SPAG17: variants seen among roughly 807,000 people sequenced by gnomAD.
SPAG17 encodes sperm associated antigen 17, also known as sperm-associated antigen 17.
SPAG17 carries 169 observed loss-of-function variants against 273.6 expected under a neutral mutation model. The ratio of observed to expected loss-of-function variants is 0.62; its 90% confidence interval spans 0.55 to 0.70. SPAG17 has a LOEUF of 0.70. SPAG17 is among the 30% of genes least tolerant of loss of function. SPAG17 has a pLI of 0.00. For synonymous variants in SPAG17, 825 were observed against 873.2 expected, an observed-to-expected ratio of 0.94 and a Z score of 0.97; for missense variants, 2,557 against 2,627.8, an observed-to-expected ratio of 0.97 and a Z score of 0.59.
chr1:117,967,989 A>G (rs1174698147), intron 46 of SPAG17, among the ~76,000 whole-genome samples: 1 of 152,242 alleles, frequency 6.6e-6, no homozygotes, highest in Non-Finnish European at 1.5e-5. Flanking sequence ...TTGTGAGCAT[A>G]TGCATACTGG....
intron 18 of SPAG17, among the ~76,000 whole-genome samples, chr1:118,058,940 A>T (rs1280501986): frequency 6.6e-6 from 1 of 152,206 alleles, no homozygotes; most frequent in African/African-American, 2.4e-5. Context: ...CATGCTACAC[A>T]TGTCAAAATA....
intron 13 of SPAG17, among the ~76,000 whole-genome samples, chr1:118,083,219 G>T (rs1209220648): frequency 6.6e-6 from 1 of 152,142 alleles, no homozygotes; most frequent in East Asian, 1.9e-4. Flanking sequence ...GCCTCCCAGA[G>T]TGCTGGAATT....
chr1:118,121,223 G>A (rs1657401750), intron 3 of SPAG17, among the ~76,000 whole-genome samples: 3 of 152,146 alleles, frequency 2.0e-5, no homozygotes, highest in African/African-American at 7.2e-5. Context: ...GGTGGGTGGA[G>A]GGCTGGAGCC....
Position 118,073,844 on chromosome 1 carries a change from C to T in SPAG17, c.2385+10G>A, listed in dbSNP as rs751879777. On this transcript the variant is annotated intron_variant, in intron 17 of 48. Transcript: ENST00000336338. ...TGACCGTCTCCTAGAGAATCACAGT[C>T]CATAAATACCTGAAGCAGTACTTTC... 1 of 1,562,174 alleles carries T rather than the reference C, an allele frequency of 6.4e-7. No individual in the cohort carries two copies. Among genetic ancestry groups the T allele is most frequent in the Non-Finnish European group, 8.7e-7 (1 of 1,151,042 alleles).
intron 33 of SPAG17, 40 bp from the exon 34 acceptor site, chr1:117,996,540 C>A: frequency 6.2e-7 from 1 of 1,603,034 alleles, no homozygotes; most frequent in East Asian, 2.2e-5. Flanking sequence ...TCAAGTATTC[C>A]GTTAAAATTC....
chr1:117,976,173 T>C (rs528024005), intron 43 of SPAG17, among the ~76,000 whole-genome samples: 7 of 152,182 alleles, frequency 4.6e-5, no homozygotes, highest in Non-Finnish European at 8.8e-5. Flanking sequence ...TGCAGATGAT[T>C]ATTCCACTGA....
chr1:118,114,429 G>A (rs1261798324), intron 4 of SPAG17, among the ~76,000 whole-genome samples: 2 of 152,072 alleles, frequency 1.3e-5, no homozygotes, highest in African/African-American at 2.4e-5. Context: ...TAGATTTTGG[G>A]GGTCTTGCAA....
chr1:118,005,898 A>T (rs1658828362), intron 31 of SPAG17, among the ~76,000 whole-genome samples: 1 of 152,170 alleles, frequency 6.6e-6, no homozygotes. Flanking sequence ...AACATATTTT[A>T]GCTGAGGTTA....
intron 3 of SPAG17, among the ~76,000 whole-genome samples, chr1:118,139,730 T>C (rs1217463513): frequency 6.6e-6 from 1 of 151,060 alleles, no homozygotes; most frequent in Admixed American, 6.6e-5. Context: ...TGCACTCACA[T>C]GGGGAATCTA....
chr1:118,102,915 C>T (rs555269777), intron 4 of SPAG17, among the ~76,000 whole-genome samples: 28 of 152,266 alleles, frequency 1.8e-4, no homozygotes, highest in East Asian at 1.4e-3. Context: ...GCTTTGGCAC[C>T]CAGAGGGGCC....
At position 118,081,560 on chromosome 1, in the gene SPAG17, T is replaced by G. The variant is rs367656575; in HGVS notation, c.1845A>C (p.Lys615Asn). The change falls in exon 14 of 49, where the codon AAA (lysine) becomes AAC (asparagine). Residue 615 changes from lysine (K) to asparagine (N), a missense_variant. Lys to Asn is a moderately conservative substitution (Grantham distance 94). Transcript: ENST00000336338. The stretch of plus-strand genomic sequence containing the variant: ...TCATCCCAGAAGGTTTCAGTTTCCC[T>G]TTTTCATCAACCTCAGAGAGCTTCA... ...ESLKLSEVDE[K>N]GKLKPSGMMC... 3 of 1,613,744 alleles carry G rather than the reference T, an allele frequency of 1.9e-6. No homozygotes were observed. In the African/African-American group the frequency reaches 4.0e-5, roughly 22 times the overall value.
rs578117893 is a variant in SPAG17, at chr1:117,989,982, G to A, written c.5521+879C>T. Among the ~76,000 whole-genome samples the A allele has an allele frequency of 2.0e-5, 3 of 152,052 alleles. No homozygotes were observed. In the South Asian group the frequency reaches 6.3e-4, roughly 32 times the overall value. ...TTGTCATTCATCTAAAATTTAACTAGGCCTTCTTTATTTTTATTCACTAAA... is the reference window on the plus strand; with the variant it reads ...TTGTCATTCATCTAAAATTTAACTAAGCCTTCTTTATTTTTATTCACTAAA... On this transcript the variant is annotated intron_variant, in intron 38 of 48. Coordinates refer to ENST00000336338, the MANE Select transcript of SPAG17 (RefSeq NM_206996.4).
At chr1:118,104,490 G>C (rs962990804) in intron 4 of SPAG17, among the ~76,000 whole-genome samples, 2 of 152,178 alleles carry the variant, frequency 1.3e-5, no homozygotes, top group Non-Finnish European at 2.9e-5. Flanking sequence ...TACAAATGCA[G>C]GTGTGCATAA....
At position 118,045,014 on chromosome 1, in the gene SPAG17, G is replaced by A. The variant is rs185530287; in HGVS notation, c.2815-2972C>T. On this transcript the variant is annotated intron_variant, in intron 20 of 48. Transcript: ENST00000336338. ...AAGAGGAAATTAAAAAGCCAACCAA[G>A]GATTTTATAAATGAAAACTATGTTT... Among the ~76,000 whole-genome samples the A allele has an allele frequency of 9.3e-4, 141 of 152,126 alleles. No homozygotes were observed. The South Asian group carries it at 0.012, about 13-fold the overall frequency.
intron 42 of SPAG17, among the ~76,000 whole-genome samples, chr1:117,981,952 C>CA (rs777204626): frequency 5.9e-5 from 9 of 152,304 alleles, no homozygotes; most frequent in Non-Finnish European, 1.2e-4. Context: ...CTGGTTGCCT[C>CA]AAGTACTGTG....
intron 44 of SPAG17, among the ~76,000 whole-genome samples, chr1:117,972,784 A>G (rs1204647829): frequency 6.6e-6 from 1 of 152,196 alleles, no homozygotes; most frequent in Non-Finnish European, 1.5e-5. Flanking sequence ...AAGAAAAAAA[A>G]AGATAATTAT....
chr1:118,030,230 A>G (rs777712603), intron 25 of SPAG17, among the ~76,000 whole-genome samples: 4 of 152,110 alleles, frequency 2.6e-5, no homozygotes, highest in South Asian at 4.1e-4. Context: ...AGGCAATGAC[A>G]TATTTAAACC....
intron 22 of SPAG17, among the ~76,000 whole-genome samples, chr1:118,040,418 G>C (rs1293240100): frequency 6.6e-6 from 1 of 152,094 alleles, no homozygotes; most frequent in African/African-American, 2.4e-5. Flanking sequence ...GTGCTGTAAT[G>C]AATATTATTA....
chr1:118,170,260 T>C (rs746196543), intron 1 of SPAG17, among the ~76,000 whole-genome samples: 8 of 152,140 alleles, frequency 5.3e-5, no homozygotes, highest in Non-Finnish European at 1.0e-4. Flanking sequence ...GAGTAAGATG[T>C]GATTTTAAGC....
Sources: allele counts gnomAD v4.1 joint callset (sites outside exome capture counted in the v4.1 genomes callset), GRCh38; gene constraint gnomAD v4.1.1; transcripts MANE v1.5; gene names NCBI Gene and HGNC (gene_info 2026-07-23, HGNC 2026-07-21).